RAB15: variants seen among roughly 807,000 people sequenced by gnomAD.
RAB15 encodes RAB15, member RAS oncogene family.
A neutral mutation model predicts 31.8 loss-of-function variants in RAB15; 13 were observed. That is an observed-to-expected ratio of 0.41 (90% CI 0.27 to 0.65). RAB15 has a LOEUF of 0.65. Ranked by LOEUF, RAB15 falls within the 30% of genes least tolerant of loss-of-function variation. RAB15 has a pLI of 0.32. For missense variants in RAB15, 220 were observed against 277.3 expected, an observed-to-expected ratio of 0.79 and a Z score of 1.47; for synonymous variants, 100 against 105.6, an observed-to-expected ratio of 0.95 and a Z score of 0.33.
Position 64,948,378 on chromosome 14 carries a change from G to A in RAB15, c.615C>T (p.Asn205=). The stretch of plus-strand genomic sequence containing the variant: ...CTCAGCACCAGCAGGTTTTCGAAGA[G>A]TTCGCTGGGCCCTCGGGTTTGCCCT... The part of the protein sequence containing the change: ...EEEGKPEGPA[N]SSKTCWC The change falls in exon 7 of 7, where the codon AAC becomes AAT. Residue 205 remains asparagine (N), a synonymous_variant. Coordinates refer to ENST00000533601, the MANE Select transcript of RAB15 (RefSeq NM_001308154.2). This position sits in a 1 kb window ranked among gnomAD's most constrained non-coding sequence, Gnocchi z 7.0. 6.3e-7 allele frequency: 1 copy of A among 1,596,730 alleles called. No homozygotes were observed. Among genetic ancestry groups the A allele is most frequent in the Non-Finnish European group, 8.5e-7 (1 of 1,173,582 alleles).
Position 64,954,448 on chromosome 14 carries a change from A to T in RAB15, c.125-1877T>A. 1.0e-6 allele frequency: 1 copy of T among 985,470 alleles called. No individual in the cohort carries two copies. The highest frequency in any genetic ancestry group is 1.2e-6 in the Non-Finnish European group (1 of 829,928). 61.0% of individuals were successfully genotyped at this position (985,470 alleles called of 1,614,324 possible). A position where few individuals can be genotyped will look rare whatever the true frequency, so the allele number is the denominator to read the frequency against. On this transcript the variant is annotated intron_variant, in intron 1 of 6. Transcript: ENST00000533601. The surrounding 1 kb of genome is among the most constrained non-coding windows in gnomAD (Gnocchi z 4.3). ...CTCCAATTTGTAATATACCTGGTTT[A>T]TCCTCACACTAGCCTAGCAAACCTG...
rs961535289 is a variant in RAB15, at chr14:64,962,148, G to C, written c.125-9577C>G. ...GAGAATCGCTTGAACCTGGGAGGCG[G>C]AAGTTGCAGTGAGCCAAGATTGTGC... On this transcript the variant is annotated intron_variant, in intron 1 of 6. Coordinates refer to ENST00000533601, the MANE Select transcript of RAB15 (RefSeq NM_001308154.2). This position sits in a 1 kb window ranked among gnomAD's most constrained non-coding sequence, Gnocchi z 4.2. Among the ~76,000 whole-genome samples, 4 of 152,134 alleles carry C rather than the reference G, an allele frequency of 2.6e-5. No homozygotes were observed. Among genetic ancestry groups the C allele is most frequent in the African/African-American group, 9.7e-5 (4 of 41,412 alleles).
At chr14:64,949,430 A>G (rs1886107045) in intron 5 of RAB15, among the ~76,000 whole-genome samples, 1 of 152,188 alleles carries the variant, frequency 6.6e-6, no homozygotes, top group Non-Finnish European at 1.5e-5. Context: ...TCTCAGAAAT[A>G]CCAATCTTGG....
chr14:64,952,561 A>C lies in RAB15; in HGVS notation c.135T>G (p.Phe45Leu). ...SSHISTIGVD[F>L]KMKTIEVDGI... Reference sequence around the variant, plus strand: ...CGTCTACCTCTATGGTCTTCATCTTAAAGTCAACACCTGAAGAAAGGAAGA... The same window carrying C: ...CGTCTACCTCTATGGTCTTCATCTTCAAGTCAACACCTGAAGAAAGGAAGA... Residue 45 changes from phenylalanine (F) to leucine (L), a missense_variant, in exon 2 of 7, where the codon TTT (phenylalanine) becomes TTG (leucine). Phe to Leu is a conservative substitution (Grantham distance 22, BLOSUM62 0). Transcript: ENST00000533601. The surrounding 1 kb of genome is among the most constrained non-coding windows in gnomAD (Gnocchi z 4.2). The C allele has an allele frequency of 6.2e-7, 1 of 1,611,440 alleles. No homozygotes were observed. Among genetic ancestry groups the C allele is most frequent in the Non-Finnish European group, 8.5e-7 (1 of 1,177,752 alleles).
In RAB15 at chr14:64,948,781, G is replaced by C; in HGVS notation, c.415-48C>G. ...AAAGAGAGTCAGTAAGGCAGGGGAG[G>C]GGCCCATACAACCAGGCACAGGCTT... On this transcript the variant is annotated intron_variant, in intron 5 of 6. Transcript: ENST00000533601. This position sits in a 1 kb window ranked among gnomAD's most constrained non-coding sequence, Gnocchi z 7.0. The C allele has an allele frequency of 6.4e-7, 1 of 1,556,278 alleles. No homozygotes were observed. The highest frequency in any genetic ancestry group is 1.1e-5 in the South Asian group (1 of 89,358).
Position 64,971,507 on chromosome 14 carries a change from C to T in RAB15, c.124+446G>A, listed in dbSNP as rs1172498321. On this transcript the variant is annotated intron_variant, in intron 1 of 6. Transcript: ENST00000533601. This position sits in a 1 kb window ranked among gnomAD's most constrained non-coding sequence, Gnocchi z 4.1. ...CTCTCTTCCCCCCCTCGCCCCCCGCCGGCTCCACCTTGGGTCACCACAGAA... is the reference window on the plus strand; with the variant it reads ...CTCTCTTCCCCCCCTCGCCCCCCGCTGGCTCCACCTTGGGTCACCACAGAA... Among the ~76,000 whole-genome samples, 1 of 152,036 alleles carries T rather than the reference C, an allele frequency of 6.6e-6. No homozygotes were observed. The highest frequency in any genetic ancestry group is 2.4e-5 in the African/African-American group (1 of 41,400).
intron 1 of RAB15, among the ~76,000 whole-genome samples, chr14:64,956,940 T>A (rs1266516567): frequency 6.6e-6 from 1 of 151,622 alleles, no homozygotes; most frequent in Non-Finnish European, 1.5e-5. Context: ...CTTCAATTTT[T>A]TTTTTTTTTT....
In RAB15 at chr14:64,952,521, T is replaced by G. The variant is rs771340281; in HGVS notation, c.175A>C (p.Ile59Leu). 12 of 1,612,204 alleles carry G rather than the reference T, an allele frequency of 7.4e-6. No homozygotes were observed. Among genetic ancestry groups the G allele is most frequent in the Non-Finnish European group, 1.0e-5 (12 of 1,178,534 alleles). The change falls in exon 2 of 7, where the codon ATA (isoleucine) becomes CTA (leucine). Residue 59 changes from isoleucine to leucine, a missense_variant. By Grantham distance (5) the Ile-to-Leu change is conservative (BLOSUM62 2). Coordinates refer to ENST00000533601, the MANE Select transcript of RAB15 (RefSeq NM_001308154.2). The surrounding 1 kb of genome is among the most constrained non-coding windows in gnomAD (Gnocchi z 4.2). ...TCCTCCCCAGCTCACCAGATCTGTA[T>G]CCGCACTTTGATGCCGTCTACCTCT... is the stretch of plus-strand genomic sequence containing the variant. ...TIEVDGIKVR[I>L]QIWDTAGQER...
intron 1 of RAB15, among the ~76,000 whole-genome samples, chr14:64,969,799 C>G (rs777374459): frequency 6.6e-6 from 1 of 152,154 alleles, no homozygotes; most frequent in Non-Finnish European, 1.5e-5. Flanking sequence ...TCCCTGTGAC[C>G]TATTTAGTGT....
chr14:64,959,734 G>A (rs1886751847), intron 1 of RAB15, among the ~76,000 whole-genome samples: 2 of 150,408 alleles, frequency 1.3e-5, no homozygotes, highest in African/African-American at 2.4e-5. Context: ...AAACCCAGGT[G>A]TGATGGTGTC....
chr14:64,954,825 C>G lies in RAB15; in HGVS notation c.125-2254G>C, dbSNP rs1886456037. ...GGAAGCCCTAACTCTGCTTAGTTTCCTTTTTGCCTGTGGGTGCCTGAGAAG... is the reference window on the plus strand; with the variant it reads ...GGAAGCCCTAACTCTGCTTAGTTTCGTTTTTGCCTGTGGGTGCCTGAGAAG... On this transcript the variant is annotated intron_variant, in intron 1 of 6. Coordinates refer to ENST00000533601, the MANE Select transcript of RAB15 (RefSeq NM_001308154.2). This position sits in a 1 kb window ranked among gnomAD's most constrained non-coding sequence, Gnocchi z 4.3. Among the ~76,000 whole-genome samples, 1 of 152,126 alleles carries G rather than the reference C, an allele frequency of 6.6e-6. No homozygotes were observed. Among genetic ancestry groups the G allele is most frequent in the South Asian group, 2.1e-4 (1 of 4,812 alleles).
At position 64,955,084 on chromosome 14, in the gene RAB15, C is replaced by G. The variant is rs1315485377; in HGVS notation, c.125-2513G>C. 2.0e-5 allele frequency among the ~76,000 whole-genome samples: 3 copies of G among 152,106 alleles called. No individual in the cohort carries two copies. The highest frequency in any genetic ancestry group is 7.2e-5 in the African/African-American group (3 of 41,418). On this transcript the variant is annotated intron_variant, in intron 1 of 6. Transcript: ENST00000533601. This position sits in a 1 kb window ranked among gnomAD's most constrained non-coding sequence, Gnocchi z 4.4. ...GGAATTCCGGGGCTCGCAGCACTCCCCGGCCTCACACACACCCCACCATCT... is the reference window on the plus strand; with the variant it reads ...GGAATTCCGGGGCTCGCAGCACTCCGCGGCCTCACACACACCCCACCATCT...
chr14:64,950,406 T>G lies in RAB15; in HGVS notation c.333A>C (p.Pro111=). 1 of 1,613,916 alleles carries G rather than the reference T, an allele frequency of 6.2e-7. No individual in the cohort carries two copies. Among genetic ancestry groups the G allele is most frequent in the Non-Finnish European group, 8.5e-7 (1 of 1,179,806 alleles). Residue 111 remains proline (P), a synonymous_variant, in exon 5 of 7, where the codon CCA becomes CCC. Transcript: ENST00000533601. This position sits in a 1 kb window ranked among gnomAD's most constrained non-coding sequence, Gnocchi z 5.6. ...CAATAAGGATCTTCTGGACGCCTTC[T>G]GGTGCGTACTAGGGACAAAGGATGG... ...KWVSDVDEYA[P]EGVQKILIGN...
chr14:64,968,339 G>A lies in RAB15; in HGVS notation c.124+3614C>T, dbSNP rs1395673323. On this transcript the variant is annotated intron_variant, in intron 1 of 6. Transcript: ENST00000533601. The surrounding 1 kb of genome is among the most constrained non-coding windows in gnomAD (Gnocchi z 4.9). ...TCCCTTCTGCTGCAGGAACTGACGA[G>A]CAGCCCACACTGAGGCCTAGCTTCA... Among the ~76,000 whole-genome samples, 1 of 152,144 alleles carries A rather than the reference G, an allele frequency of 6.6e-6. No homozygotes were observed. The highest frequency in any genetic ancestry group is 1.5e-5 in the Non-Finnish European group (1 of 68,030).
chr14:64,964,251 T>C (rs1053430327), intron 1 of RAB15, among the ~76,000 whole-genome samples: 3 of 151,976 alleles, frequency 2.0e-5, no homozygotes, highest in Admixed American at 6.6e-5. Flanking sequence ...AGGCCGGGCG[T>C]GGTGGCTCAT....
intron 1 of RAB15, among the ~76,000 whole-genome samples, chr14:64,966,563 G>A (rs1328343277): frequency 6.6e-6 from 1 of 151,802 alleles, no homozygotes; most frequent in African/African-American, 2.4e-5. Flanking sequence ...TAATAATAAT[G>A]ATAATATGAT....
rs1352171520 is a variant in RAB15, at chr14:64,950,593, G to A, written c.325-179C>T. 10 of 651,434 alleles carry A rather than the reference G, an allele frequency of 1.5e-5. No homozygotes were observed. The highest frequency in any genetic ancestry group is 7.2e-5 in the Admixed American group (3 of 41,494). 40.4% of individuals were successfully genotyped at this position (651,434 alleles called of 1,614,324 possible). A position where few individuals can be genotyped will look rare whatever the true frequency, so the allele number is the denominator to read the frequency against. The stretch of plus-strand genomic sequence containing the variant: ...CCATGGCTGACCTCAAGGGTATCAC[G>A]GGGAGAGCTTAGGGTAGAAGACACT... On this transcript the variant is annotated intron_variant, in intron 4 of 6. Coordinates refer to ENST00000533601, the MANE Select transcript of RAB15 (RefSeq NM_001308154.2). This position sits in a 1 kb window ranked among gnomAD's most constrained non-coding sequence, Gnocchi z 5.6.
chr14:64,965,037 T>G (rs921878949), intron 1 of RAB15, among the ~76,000 whole-genome samples: 2 of 152,198 alleles, frequency 1.3e-5, no homozygotes, highest in African/African-American at 4.8e-5. Flanking sequence ...CCTCCAACTC[T>G]TGGGCTCAAG....
chr14:64,967,711 A>G (rs543311662), intron 1 of RAB15, among the ~76,000 whole-genome samples: 14 of 152,320 alleles, frequency 9.2e-5, no homozygotes, highest in African/African-American at 3.1e-4. Flanking sequence ...GGTCCCCTGA[A>G]CATAGATGTC....
Sources: gnomAD v4.1 joint callset for allele counts (sites outside exome capture counted in the v4.1 genomes callset) on GRCh38, gnomAD v4.1.1 for gene constraint, Gnocchi (gnomAD v3.1) non-coding constraint, MANE v1.5 for transcripts, NCBI Gene and HGNC (gene_info 2026-07-23, HGNC 2026-07-21) for gene names.